Variants in STK3 observed in about 807,000 individuals in gnomAD.
STK3 encodes serine/threonine-protein kinase 3.
STK3 carries 41 observed loss-of-function variants against 58.0 expected under a neutral mutation model. The ratio of observed to expected loss-of-function variants is 0.71; its 90% CI spans 0.55 to 0.92. The LOEUF (loss-of-function observed/expected upper bound fraction) is 0.92. STK3 is among the 40% of genes least tolerant of loss of function. The pLI, the probability that STK3 is intolerant of heterozygous loss-of-function variation, is 0.00. For synonymous variants in STK3, 170 were observed against 191.0 expected (o/e 0.89, Z 0.91); for missense variants, 479 against 602.7 (o/e 0.79, Z 2.15).
At chr8:98,564,754 T>C (rs951129620) in intron 8 of STK3, among the ~76,000 whole-genome samples, 5 of 152,144 alleles carry the variant, frequency 3.3e-5, no homozygotes, top group African/African-American at 1.2e-4. Context: ...AATCGTTATA[T>C]ATCAATTTTT....
rs369443237 is a variant in STK3, at chr8:98,738,703, A to G, written c.351+10573T>C. On this transcript the variant is annotated intron_variant, in intron 4 of 10. Coordinates refer to ENST00000419617, the MANE Select transcript of STK3 (RefSeq NM_006281.4). ...TTTCTGCATTTCCATCTGAGGTACC[A>G]GGTTCATCTCACTAGAGAGTGCCAG... Among the ~76,000 whole-genome samples the G allele has an allele frequency of 8.6e-3, 1,308 of 152,308 alleles. 10 individuals carry two copies. Among genetic ancestry groups the G allele is most frequent in the African/African-American group, 0.03 (1,232 of 41,578 alleles).
At chr8:98,779,685 T>C (rs1290332819) in intron 1 of STK3, among the ~76,000 whole-genome samples, 2 of 152,166 alleles carry the variant, frequency 1.3e-5, no homozygotes, top group Admixed American at 6.5e-5. Context: ...CTGAAACATT[T>C]ATGGTCCCAA....
chr8:98,618,511 AG>A (rs1817964999), intron 6 of STK3, among the ~76,000 whole-genome samples: 1 of 151,460 alleles, frequency 6.6e-6, no homozygotes, highest in Non-Finnish European at 1.5e-5. Context: ...TTAGGAAAAG[AG>A]GAAGTCAAAC....
chr8:98,547,968 C>G lies in STK3; in HGVS notation c.1141+1G>C, dbSNP rs1810850333. 6.4e-7 allele frequency: 1 copy of G among 1,568,664 alleles called. No individual in the cohort carries two copies. The highest frequency in any genetic ancestry group is 1.4e-5 in the African/African-American group (1 of 72,424). ...ATATTTAATGTAAAAAAGCCACATACTTTTCATAGTTCCATCTTCTTCTTC... is the reference window on the plus strand; with the variant it reads ...ATATTTAATGTAAAAAAGCCACATAGTTTTCATAGTTCCATCTTCTTCTTC... On this transcript the variant is annotated splice_donor_variant, in intron 9 of 10. Coordinates refer to ENST00000419617, the MANE Select transcript of STK3 (RefSeq NM_006281.4). LOFTEE classifies it high-confidence loss of function.
chr8:98,386,008 G>A (rs892976429), intron 1 of STK3, among the ~76,000 whole-genome samples: 3 of 151,992 alleles, frequency 2.0e-5, no homozygotes, highest in African/African-American at 7.3e-5. Context: ...TAAGAAAGAC[G>A]AAAAATAGCA....
chr8:98,912,562 C>T (rs1839187746), intron 1 of STK3, among the ~76,000 whole-genome samples: 4 of 152,030 alleles, frequency 2.6e-5, no homozygotes, highest in Admixed American at 2.6e-4. Flanking sequence ...TGGAACGTGC[C>T]CCACTAACAA....
At chr8:98,904,465 G>T in intron 1 of STK3, 1 of 365,068 alleles carries the variant, frequency 2.7e-6, no homozygotes, top group South Asian at 2.3e-5. Context: ...AAACATAGTT[G>T]GTCACAAACT....
intron 10 of STK3, among the ~76,000 whole-genome samples, chr8:98,487,016 T>G (rs1416451501): frequency 5.3e-5 from 8 of 152,216 alleles, no homozygotes. Context: ...AAACTATGAT[T>G]GCAAAAATGT....
chr8:98,613,486 T>C (rs1563803340), intron 6 of STK3, among the ~76,000 whole-genome samples: 1 of 151,856 alleles, frequency 6.6e-6, no homozygotes, highest in Non-Finnish European at 1.5e-5. Context: ...AATGTAAAAA[T>C]AGAAAGCCTC....
chr8:98,443,204 T>C (rs1818762263), intron 1 of STK3, among the ~76,000 whole-genome samples: 1 of 152,214 alleles, frequency 6.6e-6, no homozygotes, highest in African/African-American at 2.4e-5. Context: ...CCTGACAATG[T>C]AGTTGAATTC....
intron 1 of STK3, among the ~76,000 whole-genome samples, chr8:98,891,727 C>A (rs1838208179): frequency 6.6e-6 from 1 of 152,036 alleles, no homozygotes; most frequent in Non-Finnish European, 1.5e-5. Flanking sequence ...AGACTTCCAG[C>A]TGTCAAGTGC....
At position 98,728,545 on chromosome 8, in the gene STK3, G is replaced by C. The variant is rs540022582; in HGVS notation, c.351+20731C>G. Among the ~76,000 whole-genome samples, 3 of 152,250 alleles carry C rather than the reference G, an allele frequency of 2.0e-5. No homozygotes were observed. In the East Asian group the frequency reaches 5.8e-4, roughly 29 times the overall value. The stretch of plus-strand genomic sequence containing the variant: ...TGCTTATAATCCCTTGATCTGCAGA[G>C]AAAGAGAACTGATACTCTACTGTGA... On this transcript the variant is annotated intron_variant, in intron 4 of 10. Coordinates refer to ENST00000419617, the MANE Select transcript of STK3 (RefSeq NM_006281.4).
intron 10 of STK3, among the ~76,000 whole-genome samples, chr8:98,507,774 A>G (rs1824206547): frequency 6.6e-6 from 1 of 152,100 alleles, no homozygotes; most frequent in Non-Finnish European, 1.5e-5. Flanking sequence ...TCCACTTCAG[A>G]GTCTTTGCTG....
intron 3 of STK3, among the ~76,000 whole-genome samples, chr8:98,761,108 CT>C (rs1830589151): frequency 6.7e-6 from 1 of 150,326 alleles, no homozygotes; most frequent in African/African-American, 2.4e-5. Flanking sequence ...GAAAATACTG[CT>C]TGAAAGGTGA....
At chr8:98,915,934 A>G (rs1839330413) in intron 1 of STK3, among the ~76,000 whole-genome samples, 1 of 152,178 alleles carries the variant, frequency 6.6e-6, no homozygotes, top group African/African-American at 2.4e-5. Context: ...AGGCAGAAGA[A>G]AATTCCTCCT....
At chr8:98,367,290 A>G (rs1229546112), downstream of STK3, among the ~76,000 whole-genome samples, 1 of 152,308 alleles carries the variant, frequency 6.6e-6, no homozygotes, top group Admixed American at 6.5e-5. Flanking sequence ...GTCAAACCTT[A>G]CCCCAGCCCA....
intron 6 of STK3, among the ~76,000 whole-genome samples, chr8:98,649,327 T>C (rs901700628): frequency 2.0e-5 from 3 of 152,172 alleles, no homozygotes; most frequent in African/African-American, 7.2e-5. Context: ...AGATCCCACA[T>C]ATAAGTTACA....
chr8:98,697,493 T>A (rs1451650074), intron 6 of STK3, among the ~76,000 whole-genome samples: 3 of 152,242 alleles, frequency 2.0e-5, no homozygotes, highest in African/African-American at 7.2e-5. Flanking sequence ...TTGTGGGCAT[T>A]TAATGCTATA....
chr8:98,903,557 C>CTTCTTCTTCTTCT (rs1564093746), intron 1 of STK3, among the ~76,000 whole-genome samples: 1 of 9,928 alleles, frequency 1.0e-4, no homozygotes, highest in East Asian at 4.3e-3. Context: ...CTTCTTCTTC[C>CTTCTTCTTCTTCT]TTTTTTTTTT....
Sources: gnomAD v4.1 joint callset for allele counts (sites outside exome capture counted in the v4.1 genomes callset) on GRCh38, gnomAD v4.1.1 for gene constraint, MANE v1.5 for transcripts, NCBI Gene and HGNC (gene_info 2026-07-23, HGNC 2026-07-21) for gene names.